Variants in MAP4 observed in about 807,000 individuals in gnomAD.
MAP4 encodes microtubule associated protein 4.
Under a neutral mutation model 170.2 loss-of-function variants are expected in MAP4, and 76 were observed. That is an observed-to-expected ratio of 0.45 (90% CI 0.37 to 0.54). MAP4 has a LOEUF of 0.54. Among genes scored for constraint, MAP4 ranks in the 20% least tolerant of loss-of-function variants. The pLI is 0.00. For synonymous variants in MAP4, 909 were observed against 994.5 expected (o/e 0.91, Z 1.62); for missense variants, 2,506 against 2,748.0 (o/e 0.91, Z 1.97).
chr3:47,986,552 G>C (rs2100088835), intron 2 of MAP4, among the ~76,000 whole-genome samples: 1 of 152,024 alleles, frequency 6.6e-6, no homozygotes, highest in African/African-American at 2.4e-5. Flanking sequence ...TGTTGGCCAG[G>C]CTGGTCTCAA....
rs1436002158 is a variant in MAP4, at chr3:47,910,138, T to G, written c.4283A>C (p.Lys1428Thr). ...TTCCAGAACCTCTAGAGGAGATGAT[T>G]TATTTATCAGCTCTGATGGTGTTCT... ...CPRTPSELIN[K>T]SSPLEVLESA... Residue 1428 changes from lysine (K) to threonine (T), a missense_variant, in exon 9 of 21, where the codon AAA (lysine) becomes ACA (threonine). Physicochemically the swap from Lys to Thr is moderately conservative, Grantham distance 78 (BLOSUM62 -1). Transcript: ENST00000683076. 6.2e-7 allele frequency: 1 copy of G among 1,613,984 alleles called. No homozygotes were observed. The highest frequency in any genetic ancestry group is 8.5e-7 in the Non-Finnish European group (1 of 1,179,884).
chr3:48,009,016 A>G (rs1332995000), intron 1 of MAP4, among the ~76,000 whole-genome samples: 1 of 152,008 alleles, frequency 6.6e-6, no homozygotes, highest in Non-Finnish European at 1.5e-5. Context: ...ATAGACACTT[A>G]CTCTGGATAT....
In MAP4 at chr3:48,029,093, C is replaced by T. The variant is rs528552064; in HGVS notation, c.-19-30214G>A. On this transcript the variant is annotated intron_variant, in intron 1 of 18. Coordinates refer to the MAP4 transcript ENST00000360240. Reference sequence around the variant, plus strand: ...TCTGGGAAGTTGAGGATGAGTGAGTCGAAATTGTGCCACTGCACTCCAGCC... The same window carrying T: ...TCTGGGAAGTTGAGGATGAGTGAGTTGAAATTGTGCCACTGCACTCCAGCC... 7.3e-5 allele frequency among the ~76,000 whole-genome samples: 11 copies of T among 151,552 alleles called. No individual in the cohort carries two copies. In the South Asian group the frequency reaches 1.9e-3, roughly 26 times the overall value.
chr3:47,891,590 A>G (rs1438532249), intron 10 of MAP4: 4 of 1,535,176 alleles, frequency 2.6e-6, no homozygotes, highest in African/African-American at 2.7e-5. Context: ...ACATTCAGAC[A>G]GGGCCCTGCG....
At chr3:47,926,415 C>T (rs942870324) in intron 4 of MAP4, among the ~76,000 whole-genome samples, 1 of 152,002 alleles carries the variant, frequency 6.6e-6, no homozygotes, top group African/African-American at 2.4e-5. Context: ...AACTCCTGAC[C>T]TCAGGTGATC....
chr3:48,067,501 T>G (rs1003396890), intron 1 of MAP4, among the ~76,000 whole-genome samples: 2 of 152,190 alleles, frequency 1.3e-5, no homozygotes, highest in African/African-American at 4.8e-5. Flanking sequence ...AGCTAATTTT[T>G]ACATGTTTTG....
At chr3:48,029,599 A>G (rs1229970961) in intron 1 of MAP4, among the ~76,000 whole-genome samples, 1 of 152,238 alleles carries the variant, frequency 6.6e-6, no homozygotes, top group African/African-American at 2.4e-5. Flanking sequence ...TAAGGTAGTA[A>G]TCTGAACGGT....
Position 47,916,938 on chromosome 3 carries a change from C to G in MAP4, c.889G>C (p.Glu297Gln), listed in dbSNP as rs1170775232. The change falls in exon 7 of 21, where the codon GAA becomes CAA. Residue 297 changes from glutamate to glutamine, a missense_variant. Glu to Gln is a conservative substitution (Grantham distance 29). Coordinates refer to ENST00000683076, the MANE Select transcript of MAP4 (RefSeq NM_001385682.1). ...TLAKDMQPSM[E>Q]SDMALVKDME... The stretch of plus-strand genomic sequence containing the variant: ...TCCTTGACTAGGGCCATATCTGATT[C>G]CATGGATGGCTGCATGTCCTTGGCC... The G allele has an allele frequency of 6.2e-7, 1 of 1,614,214 alleles. No homozygotes were observed. Among genetic ancestry groups the G allele is most frequent in the Non-Finnish European group, 8.5e-7 (1 of 1,180,044 alleles).
chr3:47,857,703 TCTTCA>T (rs1339324625), intron 17 of MAP4, among the ~76,000 whole-genome samples, 191 bp from the exon 18 acceptor site: 1 of 151,322 alleles, frequency 6.6e-6, no homozygotes, highest in Non-Finnish European at 1.5e-5. Context: ...CTGGCCCTGC[TCTTCA>T]CTTCCTTTTT....
intron 2 of MAP4, among the ~76,000 whole-genome samples, chr3:47,993,310 G>C (rs975662517): frequency 6.6e-6 from 1 of 151,936 alleles, no homozygotes; most frequent in Non-Finnish European, 1.5e-5. Flanking sequence ...ACTCTAATTT[G>C]GGCAATGTAG....
chr3:48,000,572 G>A (rs2100098585), intron 1 of MAP4, among the ~76,000 whole-genome samples: 1 of 152,144 alleles, frequency 6.6e-6, no homozygotes, highest in South Asian at 2.1e-4. Context: ...AAGACAGTTG[G>A]AAAGGATCAT....
At chr3:48,087,353 GTTC>G (rs1559928965) in intron 1 of MAP4, among the ~76,000 whole-genome samples, 4 of 152,134 alleles carry the variant, frequency 2.6e-5, no homozygotes, top group Non-Finnish European at 5.9e-5. Flanking sequence ...CATGACAACT[GTTC>G]ACTCTAAATC....
At chr3:47,986,693 T>C (rs2154322126) in intron 2 of MAP4, among the ~76,000 whole-genome samples, 1 of 152,216 alleles carries the variant, frequency 6.6e-6, no homozygotes, top group Non-Finnish European at 1.5e-5. Context: ...TACATTTTGG[T>C]ACGATATTTT....
intron 1 of MAP4, among the ~76,000 whole-genome samples, chr3:48,033,714 C>T (rs1219016841): frequency 6.6e-6 from 1 of 152,102 alleles, no homozygotes; most frequent in African/African-American, 2.4e-5. Context: ...GATTCTCCTG[C>T]CTCAGCCTCC....
At chr3:47,972,905 GA>G (rs1336090470) in intron 3 of MAP4, among the ~76,000 whole-genome samples, 1 of 150,360 alleles carries the variant, frequency 6.7e-6, no homozygotes. Flanking sequence ...AAAGAAAAAA[GA>G]AAAAAAAATT....
intron 15 of MAP4, among the ~76,000 whole-genome samples, chr3:47,869,561 C>T (rs1289217316): frequency 6.6e-6 from 1 of 152,090 alleles, no homozygotes; most frequent in Non-Finnish European, 1.5e-5. Context: ...ACATGAGGAA[C>T]AGATCAAGAC....
Position 47,916,367 on chromosome 3 carries a change from G to T in MAP4, c.1460C>A (p.Ala487Asp). ...GGACGGAGCCACATCCTTGGCCGGG[G>T]CTATTTCTGTTTCTGGGAGTTGAGC... ...DMAQLPETEI[A>D]PAKDVAPSTV... is the part of the protein sequence containing the mutation. The change falls in exon 7 of 21, where the codon GCC becomes GAC. Residue 487 changes from alanine (A) to aspartate (D), a missense_variant. Ala to Asp is a moderately radical substitution (Grantham distance 126). Around this residue, in one of 3 missense-constraint regions of MAP4, gnomAD observed 2,008 missense variants for 2,206.0 expected, o/e 0.91. Coordinates refer to ENST00000683076, the MANE Select transcript of MAP4 (RefSeq NM_001385682.1). The T allele has an allele frequency of 6.2e-7, 1 of 1,614,178 alleles. No individual in the cohort carries two copies. The highest frequency in any genetic ancestry group is 8.5e-7 in the Non-Finnish European group (1 of 1,180,026).
upstream of MAP4, among the ~76,000 whole-genome samples, chr3:48,020,870 T>C (rs1351500733): frequency 6.6e-6 from 1 of 151,642 alleles, no homozygotes; most frequent in Non-Finnish European, 1.5e-5. Context: ...GTGCTCATTG[T>C]ACACTACAGC....
chr3:47,940,918 C>T (rs2100055867), intron 3 of MAP4, among the ~76,000 whole-genome samples: 1 of 151,920 alleles, frequency 6.6e-6, no homozygotes. Flanking sequence ...GCTCTTGCTG[C>T]CCAGGCTGGA....
Sources: allele counts gnomAD v4.1 joint callset (sites outside exome capture counted in the v4.1 genomes callset), GRCh38; gene constraint gnomAD v4.1.1; regional missense constraint gnomAD v4.1.1; transcripts MANE v1.5; gene names NCBI Gene and HGNC (gene_info 2026-07-23, HGNC 2026-07-21).